ZFAND3: variants seen among roughly 807,000 people sequenced by gnomAD.
The protein encoded by ZFAND3 is AN1-type zinc finger protein 3.
ZFAND3 carries 10 observed loss-of-function variants against 29.6 expected under a neutral mutation model. That is an observed-to-expected ratio of 0.34 (90% confidence interval 0.21 to 0.57). The LOEUF (loss-of-function observed/expected upper bound fraction) is 0.57, where lower values mean the gene tolerates loss of function less well. Ranked by LOEUF, ZFAND3 falls within the 20% of genes least tolerant of loss-of-function variation. ZFAND3 has a pLI of 0.86. For synonymous variants in ZFAND3, 128 were observed against 112.6 expected (o/e 1.14, Z -0.87); for missense variants, 230 against 304.5 (o/e 0.76, Z 1.82).
At chr6:37,977,952 T>TCTTC (rs1354505694) in intron 2 of ZFAND3, among the ~76,000 whole-genome samples, 1 of 147,386 alleles carries the variant, frequency 6.8e-6, no homozygotes, top group African/African-American at 2.5e-5. Context: ...TTTCTTCCTT[T>TCTTC]CTTCCTTCTC....
chr6:37,866,071 T>C (rs1764585336), intron 1 of ZFAND3, among the ~76,000 whole-genome samples: 1 of 152,108 alleles, frequency 6.6e-6, no homozygotes, highest in Non-Finnish European at 1.5e-5. Flanking sequence ...AAACTATCCT[T>C]CTGCCTCCTC....
chr6:37,984,817 C>T (rs1267333728), intron 2 of ZFAND3, among the ~76,000 whole-genome samples: 1 of 152,168 alleles, frequency 6.6e-6, no homozygotes, highest in Non-Finnish European at 1.5e-5. Context: ...CCAGTTGTAG[C>T]TGTTGTCATT....
At chr6:38,090,999 A>C (rs1228932829) in intron 4 of ZFAND3, among the ~76,000 whole-genome samples, 1 of 152,208 alleles carries the variant, frequency 6.6e-6, no homozygotes, top group Admixed American at 6.5e-5. Flanking sequence ...ACTTGTATCC[A>C]AGGCCTCGTT....
chr6:37,904,084 C>T (rs1249437093), intron 1 of ZFAND3, among the ~76,000 whole-genome samples: 1 of 152,156 alleles, frequency 6.6e-6, no homozygotes, highest in East Asian at 1.9e-4. Context: ...GAAATGCTGA[C>T]AGACCATTAA....
intron 1 of ZFAND3, among the ~76,000 whole-genome samples, chr6:37,865,133 G>A (rs1764565776): frequency 6.6e-6 from 1 of 152,104 alleles, no homozygotes; most frequent in Non-Finnish European, 1.5e-5. Flanking sequence ...CGCCGATAGC[G>A]TGCCACTGCA....
intron 1 of ZFAND3, among the ~76,000 whole-genome samples, chr6:37,886,549 C>T (rs1466985047): frequency 1.3e-5 from 2 of 152,140 alleles, no homozygotes; most frequent in African/African-American, 4.8e-5. Context: ...TTTCTGCAGT[C>T]ATATCATGGA....
chr6:38,098,634 G>A (rs1005208227), intron 4 of ZFAND3, among the ~76,000 whole-genome samples: 7 of 151,978 alleles, frequency 4.6e-5, no homozygotes, highest in African/African-American at 1.7e-4. Flanking sequence ...CCAAGTAGCT[G>A]GGATTACAGG....
chr6:37,877,914 A>T (rs1258828338), intron 1 of ZFAND3, among the ~76,000 whole-genome samples: 1 of 152,230 alleles, frequency 6.6e-6, no homozygotes, highest in East Asian at 1.9e-4. Context: ...GGAATGACTT[A>T]ATCAGACTTA....
chr6:38,154,572 A>G lies in ZFAND3; in HGVS notation c.*2183A>G. 2.1e-6 allele frequency: 2 copies of G among 974,828 alleles called. No homozygotes were observed. Among genetic ancestry groups the G allele is most frequent in the East Asian group, 1.1e-4 (1 of 8,754 alleles). 60.4% of individuals were successfully genotyped at this position (974,828 alleles called of 1,614,324 possible). On this transcript the variant is annotated 3_prime_UTR_variant, in exon 6 of 6. Transcript: ENST00000287218. ...GTGAAAATATTAAAAGAATCTTGTA[A>G]CTTTATTCTTTTTTCTCCTGCTGAA...
chr6:38,138,583 T>C (rs1394574831), intron 5 of ZFAND3, among the ~76,000 whole-genome samples: 1 of 152,196 alleles, frequency 6.6e-6, no homozygotes, highest in East Asian at 1.9e-4. Flanking sequence ...TCCATCAGTA[T>C]GCTGAGCTTA....
chr6:38,034,236 A>G (rs920916187), intron 2 of ZFAND3, among the ~76,000 whole-genome samples: 12 of 152,176 alleles, frequency 7.9e-5, no homozygotes, highest in African/African-American at 2.4e-5. Flanking sequence ...TTCTCTTTGT[A>G]TGAAGCTTTT....
chr6:37,822,928 G>A (rs1412246253), intron 1 of ZFAND3, among the ~76,000 whole-genome samples: 1 of 152,172 alleles, frequency 6.6e-6, no homozygotes, highest in African/African-American at 2.4e-5. Flanking sequence ...ACAATCTAGA[G>A]ATAAGGCTGG....
intron 2 of ZFAND3, among the ~76,000 whole-genome samples, chr6:38,045,875 C>G (rs1763894064): frequency 6.6e-6 from 1 of 152,092 alleles, no homozygotes; most frequent in South Asian, 2.1e-4. Context: ...TCTGAGCTTC[C>G]TAGGGATCAA....
At chr6:38,096,812 C>A (rs1354501441) in intron 4 of ZFAND3, among the ~76,000 whole-genome samples, 2 of 151,994 alleles carry the variant, frequency 1.3e-5, no homozygotes, top group African/African-American at 4.8e-5. Context: ...ACTTTGAGCT[C>A]ACTTTTGTTC....
In ZFAND3 at chr6:38,073,736, A is replaced by C. The variant is rs558036293; in HGVS notation, c.296-8656A>C. Among the ~76,000 whole-genome samples the C allele has an allele frequency of 3.1e-3, 470 of 152,328 alleles. 3 individuals are homozygous for C. The highest frequency in any genetic ancestry group is 0.011 in the African/African-American group (447 of 41,574). On this transcript the variant is annotated intron_variant, in intron 3 of 5. Transcript: ENST00000287218. ...GTATCAGTGGTAAGCGTTTGTCAGCATCTTAACATATGGAAAGGTATAGGA... is the reference window on the plus strand; with the variant it reads ...GTATCAGTGGTAAGCGTTTGTCAGCCTCTTAACATATGGAAAGGTATAGGA...
intron 1 of ZFAND3, among the ~76,000 whole-genome samples, chr6:37,878,416 C>T (rs773152519): frequency 2.6e-5 from 4 of 152,128 alleles, no homozygotes; most frequent in Non-Finnish European, 4.4e-5. Context: ...TTGTAGGCTC[C>T]CCAGCGCTTG....
intron 2 of ZFAND3, among the ~76,000 whole-genome samples, chr6:37,950,699 A>G (rs1761983374): frequency 6.6e-6 from 1 of 152,060 alleles, no homozygotes; most frequent in Non-Finnish European, 1.5e-5. Context: ...GTTGATGGTT[A>G]TAGTTGTATG....
intron 1 of ZFAND3, among the ~76,000 whole-genome samples, chr6:37,899,293 A>C (rs528030058): frequency 1.9e-4 from 29 of 152,030 alleles, no homozygotes; most frequent in Admixed American, 1.9e-3. Context: ...GCTTAATTCC[A>C]CTTGCTAGAA....
rs142446816 is a variant in ZFAND3, at chr6:38,067,639, AGT to A, written c.295+5868_295+5869del. 2.8e-4 allele frequency among the ~76,000 whole-genome samples: 42 copies of A among 152,318 alleles called. No individual in the cohort carries two copies. In the East Asian group the frequency reaches 3.7e-3, roughly 13 times the overall value. ...TTTAGATTTTTTCTGAGGGAGATAA[AGT>A]GTGATTTGTAGTTAAGTTTTTTGAC... is the stretch of plus-strand genomic sequence containing the variant. On this transcript the variant is annotated intron_variant, in intron 3 of 5. Coordinates refer to ENST00000287218, the MANE Select transcript of ZFAND3 (RefSeq NM_021943.3).
Sources: gnomAD v4.1 joint callset for allele counts (sites outside exome capture counted in the v4.1 genomes callset) on GRCh38, gnomAD v4.1.1 for gene constraint, MANE v1.5 for transcripts, NCBI Gene and HGNC (gene_info 2026-07-23, HGNC 2026-07-21) for gene names.